TBCK: variants seen among roughly 807,000 people sequenced by gnomAD.
TBCK encodes the protein TBC domain-containing protein kinase-like protein.
TBCK carries 99 observed loss-of-function variants against 113.4 expected under a neutral mutation model. The observed-to-expected ratio is 0.87, with a 90% CI of 0.74 to 1.03. TBCK has a LOEUF of 1.03. TBCK is among the 50% of genes least tolerant of loss of function. The pLI is 0.00. For missense variants in TBCK, 1,045 were observed against 1,061.3 expected, an observed-to-expected ratio of 0.98 and a Z score of 0.21; for synonymous variants, 369 against 370.8, an observed-to-expected ratio of 1.00 and a Z score of 0.05.
intron 23 of TBCK, 31 bp from the exon 24 acceptor site, chr4:106,116,409 T>G: frequency 6.4e-7 from 1 of 1,569,790 alleles, no homozygotes; most frequent in South Asian, 1.1e-5. Context: ...AAAAAAATAT[T>G]GAGAATATTA....
intron 24 of TBCK, among the ~76,000 whole-genome samples, chr4:106,097,522 A>G (rs1444015044): frequency 6.6e-6 from 1 of 152,162 alleles, no homozygotes; most frequent in Non-Finnish European, 1.5e-5. Flanking sequence ...ACAGAGGAGA[A>G]TGAGATTGGC....
At chr4:106,222,950 C>A (rs1451880352) in intron 19 of TBCK, among the ~76,000 whole-genome samples, 3 of 152,078 alleles carry the variant, frequency 2.0e-5, no homozygotes, top group Non-Finnish European at 2.9e-5. Context: ...TTCCTTCTCA[C>A]ATATCTTGCT....
At chr4:106,068,001 A>AT (rs1483916356) in intron 25 of TBCK, among the ~76,000 whole-genome samples, 5 of 152,020 alleles carry the variant, frequency 3.3e-5, no homozygotes, top group Admixed American at 6.5e-5. Flanking sequence ...TTTAGTATGG[A>AT]TTTTTTTAAT....
At chr4:106,285,148 C>T (rs1308209403) in intron 3 of TBCK, among the ~76,000 whole-genome samples, 1 of 152,082 alleles carries the variant, frequency 6.6e-6, no homozygotes, top group African/African-American at 2.4e-5. Flanking sequence ...AAATTAATTC[C>T]TTATATTAAA....
chr4:106,241,499 T>A (rs1029618114), intron 12 of TBCK, among the ~76,000 whole-genome samples: 1 of 151,864 alleles, frequency 6.6e-6, no homozygotes, highest in African/African-American at 2.4e-5. Flanking sequence ...ACAGTTCACA[T>A]AAAACTACAG....
At chr4:106,075,431 G>GA (rs1738065463) in intron 25 of TBCK, among the ~76,000 whole-genome samples, 1 of 152,182 alleles carries the variant, frequency 6.6e-6, no homozygotes, top group Non-Finnish European at 1.5e-5. Flanking sequence ...TGATAAGTAT[G>GA]ATATTGACTG....
In TBCK at chr4:106,095,607, T is replaced by G. The variant is rs200742458; in HGVS notation, c.2446A>C (p.Ile816Leu). 93 of 1,613,778 alleles carry G rather than the reference T, an allele frequency of 5.8e-5. 3 individuals are homozygous for G. The South Asian group carries it at 9.5e-4, about 16-fold the overall frequency. ...IRGHISGSIN[I>L]PFSAAFTAEG... ...GCAGTGAAGGCAGCACTGAATGGAA[T>G]GTTGATGCTTCCTGAAATGTGACCA... Residue 816 changes from isoleucine (I) to leucine (L), a missense_variant, in exon 25 of 26, where the codon ATT (isoleucine) becomes CTT (leucine). Ile to Leu is a conservative substitution (Grantham distance 5, BLOSUM62 2). Coordinates refer to ENST00000394708, the MANE Select transcript of TBCK (RefSeq NM_001163435.3).
intron 22 of TBCK, among the ~76,000 whole-genome samples, chr4:106,181,283 G>A (rs554943065): frequency 2.0e-5 from 3 of 151,994 alleles, no homozygotes; most frequent in South Asian, 2.1e-4. Context: ...TTGTCAGATG[G>A]ATAGATTGCA....
At chr4:106,234,696 C>T (rs1239628624) in intron 15 of TBCK, among the ~76,000 whole-genome samples, 1 of 152,106 alleles carries the variant, frequency 6.6e-6, no homozygotes, top group African/African-American at 2.4e-5. Flanking sequence ...TGAAAAAAAT[C>T]TGGCAAGAAT....
At chr4:106,174,744 G>C (rs10022339) in intron 22 of TBCK, among the ~76,000 whole-genome samples, 1 of 152,000 alleles carries the variant, frequency 6.6e-6, no homozygotes, top group African/African-American at 2.4e-5. Flanking sequence ...CTTTCCACGT[G>C]TATTTTTGTT....
At chr4:106,289,862 A>G (rs1765506270) in intron 3 of TBCK, among the ~76,000 whole-genome samples, 1 of 152,166 alleles carries the variant, frequency 6.6e-6, no homozygotes, top group South Asian at 2.1e-4. Context: ...TTGTGCTACA[A>G]TGATCTCTCA....
chr4:106,262,970 C>T (rs1157896834), intron 3 of TBCK, among the ~76,000 whole-genome samples: 1 of 151,888 alleles, frequency 6.6e-6, no homozygotes, highest in Non-Finnish European at 1.5e-5. Context: ...ATGGATTGTT[C>T]ATTTGCAGAC....
At chr4:106,247,076 G>C in intron 10 of TBCK, 63 bp downstream of exon 10, 1 of 1,508,700 alleles carries the variant, frequency 6.6e-7, no homozygotes, top group Non-Finnish European at 9.0e-7. Flanking sequence ...ACTGAAAGTA[G>C]GACAAGGAAA....
chr4:106,274,803 G>A (rs1363119074), intron 3 of TBCK, among the ~76,000 whole-genome samples: 1 of 152,060 alleles, frequency 6.6e-6, no homozygotes, highest in East Asian at 1.9e-4. Context: ...TCATAACCAT[G>A]AATTTTTAAC....
At chr4:106,262,242 A>T (rs1762574654) in intron 3 of TBCK, 30 bp from the exon 4 acceptor site, 1 of 1,252,700 alleles carries the variant, frequency 8.0e-7, no homozygotes, top group East Asian at 2.6e-5. Flanking sequence ...TCAAAGATCA[A>T]TTACAAAGCA....
chr4:106,212,715 T>TA (rs1756298694), intron 20 of TBCK, 35 bp downstream of exon 20: 1 of 1,427,680 alleles, frequency 7.0e-7, no homozygotes. Context: ...TTTTTTTTTT[T>TA]AACCACATGT....
intron 23 of TBCK, among the ~76,000 whole-genome samples, chr4:106,132,809 A>G (rs1423527203): frequency 6.6e-6 from 1 of 152,168 alleles, no homozygotes; most frequent in Non-Finnish European, 1.5e-5. Context: ...TCATTATGGA[A>G]CTTAAAGTTT....
chr4:106,119,191 A>C (rs2149578741), intron 23 of TBCK, among the ~76,000 whole-genome samples: 1 of 152,180 alleles, frequency 6.6e-6, no homozygotes, highest in East Asian at 1.9e-4. Flanking sequence ...CATTTTCCTT[A>C]TGTGAATGGG....
chr4:106,181,519 T>C (rs185771054), intron 22 of TBCK, among the ~76,000 whole-genome samples: 1 of 152,312 alleles, frequency 6.6e-6, no homozygotes, highest in East Asian at 1.9e-4. Flanking sequence ...GTTTAAGTCT[T>C]TGATCCATCT....
Sources: gnomAD v4.1 joint callset for allele counts (sites outside exome capture counted in the v4.1 genomes callset) on GRCh38, gnomAD v4.1.1 for gene constraint, MANE v1.5 for transcripts, NCBI Gene and HGNC (gene_info 2026-07-23, HGNC 2026-07-21) for gene names.